CNTN3: variants seen among roughly 807,000 people sequenced by gnomAD.
CNTN3 encodes the protein contactin 3.
A neutral mutation model predicts 119.1 loss-of-function variants in CNTN3; 60 were observed. The ratio of observed to expected loss-of-function variants is 0.50; its 90% confidence interval spans 0.41 to 0.62. The LOEUF (loss-of-function observed/expected upper bound fraction) is 0.62, where lower values mean the gene tolerates loss of function less well. CNTN3 is among the 20% of genes least tolerant of loss of function. CNTN3 has a pLI of 0.00. For synonymous variants in CNTN3, 450 were observed against 438.7 expected, an observed-to-expected ratio of 1.03 and a Z score of -0.32; for missense variants, 1,101 against 1,242.4, an observed-to-expected ratio of 0.89 and a Z score of 1.71.
chr3:74,496,459 A>G (rs968464500), intron 3 of CNTN3, among the ~76,000 whole-genome samples: 2 of 152,134 alleles, frequency 1.3e-5, no homozygotes, highest in South Asian at 2.1e-4. Context: ...CAATATGTCT[A>G]TATGTTCTTC....
chr3:74,598,030 T>C (rs1704842571), intron 1 of CNTN3, among the ~76,000 whole-genome samples: 1 of 152,066 alleles, frequency 6.6e-6, no homozygotes, highest in Admixed American at 6.6e-5. Flanking sequence ...ATTATAAAGA[T>C]GATAGCCTAT....
At chr3:74,553,373 G>A (rs1575825404) in intron 1 of CNTN3, among the ~76,000 whole-genome samples, 3 of 152,142 alleles carry the variant, frequency 2.0e-5, no homozygotes, top group Non-Finnish European at 4.4e-5. Flanking sequence ...CTTTGCTATT[G>A]CGAATAGTGC....
intron 19 of CNTN3, among the ~76,000 whole-genome samples, chr3:74,290,122 T>A (rs974900700): frequency 2.0e-4 from 30 of 152,222 alleles, no homozygotes; most frequent in African/African-American, 7.2e-4. Flanking sequence ...ATGACAGGGA[T>A]ACATTCTGAG....
intron 20 of CNTN3, among the ~76,000 whole-genome samples, chr3:74,271,584 T>C (rs1297700724): frequency 8.5e-5 from 13 of 152,238 alleles, no homozygotes; most frequent in Admixed American, 6.5e-5. Context: ...ATGTTTGCTG[T>C]GATTAATTAT....
At position 74,594,005 on chromosome 3, in the gene CNTN3, T is replaced by G. The variant is rs371378429; in HGVS notation, c.-81+20386A>C. ...GAGGCCACAGAGGGGATTGAAGATGTAGGCAGCATGGAAGAGAAGATATGA... is the reference window on the plus strand; with the variant it reads ...GAGGCCACAGAGGGGATTGAAGATGGAGGCAGCATGGAAGAGAAGATATGA... On this transcript the variant is annotated intron_variant, in intron 1 of 22. Transcript: ENST00000263665. Among the ~76,000 whole-genome samples the G allele has an allele frequency of 2.0e-5, 3 of 152,018 alleles. No homozygotes were observed. In the East Asian group the frequency reaches 5.8e-4, roughly 30 times the overall value.
At chr3:74,415,532 T>G (rs1254166579) in intron 5 of CNTN3, among the ~76,000 whole-genome samples, 1 of 152,226 alleles carries the variant, frequency 6.6e-6, no homozygotes, top group African/African-American at 2.4e-5. Flanking sequence ...ATCAGTTTCA[T>G]TACTACATAC....
rs373879235 is a variant in CNTN3, at chr3:74,486,476, T to C, written c.338A>G (p.Glu113Gly). Reference sequence around the variant, plus strand: ...CTTACAGGCAAACTGAAGTTTGGCTTCTCTGCTGACAATTGTTCCAAGTGA... The same window carrying C: ...CTTACAGGCAAACTGAAGTTTGGCTCCTCTGCTGACAATTGTTCCAAGTGA... ...TNSLGTIVSREAKLQFAYLEN... is the reference protein window; with the variant it reads ...TNSLGTIVSRGAKLQFAYLEN... The change falls in exon 4 of 23, where the codon GAA becomes GGA. Residue 113 changes from glutamate (E) to glycine (G), a missense_variant. By Grantham distance (98) the Glu-to-Gly change is moderately conservative (BLOSUM62 -2). Coordinates refer to ENST00000263665, the MANE Select transcript of CNTN3 (RefSeq NM_020872.3). 1 of 1,601,536 alleles carries C rather than the reference T, an allele frequency of 6.2e-7. No homozygotes were observed. The highest frequency in any genetic ancestry group is 1.3e-5 in the African/African-American group (1 of 74,090).
chr3:74,601,822 A>AG, intron 1 of CNTN3, among the ~76,000 whole-genome samples: 1 of 152,138 alleles, frequency 6.6e-6, no homozygotes, highest in Middle Eastern at 3.4e-3. Flanking sequence ...ATCTTAAGAG[A>AG]CCTTGTGTGT....
At chr3:74,489,645 C>T (rs1373267153) in intron 3 of CNTN3, among the ~76,000 whole-genome samples, 1 of 137,226 alleles carries the variant, frequency 7.3e-6, no homozygotes, top group South Asian at 2.8e-4. Flanking sequence ...TCCGCCTAAT[C>T]CCCAGGCCTT....
intron 5 of CNTN3, among the ~76,000 whole-genome samples, chr3:74,385,124 A>G (rs1704715462): frequency 6.6e-6 from 1 of 152,224 alleles, no homozygotes; most frequent in African/African-American, 2.4e-5. Context: ...AATAAATTTT[A>G]TCACTTCTTG....
intron 11 of CNTN3, among the ~76,000 whole-genome samples, chr3:74,346,181 T>C (rs1009360039): frequency 1.3e-5 from 2 of 152,174 alleles, no homozygotes; most frequent in African/African-American, 4.8e-5. Flanking sequence ...TAAAATTATC[T>C]AAACTAAGAA....
In CNTN3 at chr3:74,381,027, C is replaced by T. The variant is rs187962102; in HGVS notation, c.455-9628G>A. Among the ~76,000 whole-genome samples the T allele has an allele frequency of 6.6e-5, 10 of 151,468 alleles. No homozygotes were observed. In the East Asian group the frequency reaches 7.8e-4, roughly 12 times the overall value. On this transcript the variant is annotated intron_variant, in intron 5 of 22. Coordinates refer to ENST00000263665, the MANE Select transcript of CNTN3 (RefSeq NM_020872.3). The stretch of plus-strand genomic sequence containing the variant: ...GGGTCTTCTTACCAGGGACAATGAA[C>T]GACTCCTTAGAAAGCTGGAGAAATT...
chr3:74,503,912 CT>C lies in CNTN3; in HGVS notation c.56-4128del, dbSNP rs940281867. ...AATCCTAAGGTGTTATTTTTCCCCC[CT>C]AACACCTACAGGCAACAAGGAATAA... On this transcript the variant is annotated intron_variant, in intron 2 of 22. Coordinates refer to ENST00000263665, the MANE Select transcript of CNTN3 (RefSeq NM_020872.3). Among the ~76,000 whole-genome samples, 158 of 152,186 alleles carry C rather than the reference CT, an allele frequency of 1.0e-3. 2 individuals carry two copies. Among genetic ancestry groups the C allele is most frequent in the Non-Finnish European group, 4.1e-4 (28 of 68,002 alleles).
At chr3:74,573,925 G>A (rs1704373336) in intron 1 of CNTN3, among the ~76,000 whole-genome samples, 1 of 152,072 alleles carries the variant, frequency 6.6e-6, no homozygotes, top group African/African-American at 2.4e-5. Context: ...GTTACTATGT[G>A]ACCAAGCAGT....
intron 4 of CNTN3, among the ~76,000 whole-genome samples, chr3:74,444,715 G>A (rs915020982): frequency 3.9e-5 from 6 of 151,994 alleles, no homozygotes; most frequent in African/African-American, 1.5e-4. Context: ...CTACTCCTAC[G>A]AAAATCATTT....
intron 1 of CNTN3, among the ~76,000 whole-genome samples, chr3:74,546,056 C>T (rs1340244906): frequency 1.3e-5 from 2 of 151,856 alleles, no homozygotes; most frequent in Non-Finnish European, 1.5e-5. Flanking sequence ...AGTGCAGTGG[C>T]GCGATCTCGG....
chr3:74,510,503 TC>T (rs1703346921), intron 2 of CNTN3, among the ~76,000 whole-genome samples: 1 of 152,116 alleles, frequency 6.6e-6, no homozygotes, highest in South Asian at 2.1e-4. Flanking sequence ...CTAACAGTAA[TC>T]TTTTGCAAAC....
At chr3:74,576,997 T>A (rs1395771045) in intron 1 of CNTN3, among the ~76,000 whole-genome samples, 1 of 152,114 alleles carries the variant, frequency 6.6e-6, no homozygotes, top group East Asian at 1.9e-4. Flanking sequence ...TGGTAAGCAG[T>A]CTTCTTACCA....
intron 1 of CNTN3, among the ~76,000 whole-genome samples, chr3:74,565,148 T>A (rs1704208030): frequency 6.6e-6 from 1 of 152,174 alleles, no homozygotes; most frequent in African/African-American, 2.4e-5. Flanking sequence ...GTTATCACAC[T>A]TACTGGCTTA....
Sources: gnomAD v4.1 joint callset for allele counts (sites outside exome capture counted in the v4.1 genomes callset) on GRCh38, gnomAD v4.1.1 for gene constraint, MANE v1.5 for transcripts, NCBI Gene and HGNC (gene_info 2026-07-23, HGNC 2026-07-21) for gene names.